Variants in SHANK2 observed in about 807,000 individuals in gnomAD.
SHANK2 encodes the protein SH3 and multiple ankyrin repeat domains 2, also known as SH3 and multiple ankyrin repeat domains protein 2.
SHANK2 carries 43 observed loss-of-function variants against 133.7 expected under a neutral mutation model. The ratio of observed to expected loss-of-function variants is 0.32; its 90% CI spans 0.25 to 0.41. The LOEUF (loss-of-function observed/expected upper bound fraction) is 0.41, where lower values mean the gene tolerates loss of function less well. SHANK2 is among the 10% of genes least tolerant of loss of function. The pLI, the probability that SHANK2 is intolerant of heterozygous loss-of-function variation, is 1.00. For synonymous variants in SHANK2, 1,017 were observed against 952.8 expected, an observed-to-expected ratio of 1.07 and a Z score of -1.24; for missense variants, 1,994 against 2,235.8, an observed-to-expected ratio of 0.89 and a Z score of 2.18.
intron 17 of SHANK2, among the ~76,000 whole-genome samples, chr11:70,520,788 A>G (rs1554970869): frequency 6.6e-6 from 1 of 152,194 alleles, no homozygotes; most frequent in Non-Finnish European, 1.5e-5. Context: ...ATGAATACTC[A>G]TGTTGTACTT....
intron 13 of SHANK2, among the ~76,000 whole-genome samples, chr11:70,798,992 C>T (rs1001597698): frequency 3.9e-5 from 6 of 152,258 alleles, no homozygotes; most frequent in African/African-American, 7.2e-5. Flanking sequence ...ATGATGAGGT[C>T]GTACCTTCCC....
chr11:70,702,196 C>T (rs575991439), intron 14 of SHANK2, among the ~76,000 whole-genome samples: 2 of 150,674 alleles, frequency 1.3e-5, no homozygotes, highest in Admixed American at 6.6e-5. Context: ...ATCACCACCA[C>T]CATCATCACC....
intron 11 of SHANK2, among the ~76,000 whole-genome samples, chr11:70,823,342 G>T (rs1423329921): frequency 6.9e-6 from 1 of 144,164 alleles, no homozygotes; most frequent in African/African-American, 2.6e-5. Flanking sequence ...GGACAGAGGT[G>T]GTGTTGGCAG....
intron 2 of SHANK2, among the ~76,000 whole-genome samples, chr11:71,210,210 G>GTATATATATATATATATCTATA (rs1954228147): frequency 1.8e-5 from 1 of 54,074 alleles, no homozygotes; most frequent in African/African-American, 8.5e-5. Context: ...AAATCCACAG[G>GTATATATATATATATATCTATA]TATATATATA....
intron 11 of SHANK2, among the ~76,000 whole-genome samples, chr11:70,889,827 G>A (rs573832964): frequency 8.5e-5 from 13 of 152,288 alleles, no homozygotes; most frequent in Admixed American, 3.3e-4. Context: ...TCTTAGGGGC[G>A]GATGCCAGCA....
chr11:70,485,504 G>C lies in SHANK2; in HGVS notation c.4789C>G (p.Leu1597Val), dbSNP rs782481026. The C allele has an allele frequency of 3.1e-6, 5 of 1,613,676 alleles. No individual in the cohort carries two copies. Among genetic ancestry groups the C allele is most frequent in the Admixed American group, 3.3e-5 (2 of 60,032 alleles). The change falls in exon 25 of 26, where the codon CTC (leucine) becomes GTC (valine). Residue 1597 changes from leucine to valine, a missense_variant. Leu to Val is a conservative substitution (Grantham distance 32, BLOSUM62 1). Around this residue, in one of 5 missense-constraint regions of SHANK2, gnomAD observed 797 missense variants for 907.4 expected, o/e 0.88. Coordinates refer to ENST00000601538, the MANE Select transcript of SHANK2 (RefSeq NM_012309.5). This position sits in a 1 kb window ranked among gnomAD's most constrained non-coding sequence, Gnocchi z 5.8. ...GSAQPGMAKV[L>V]QPRTSKLWGD... ...CACAACTTGGAGGTCCTTGGCTGGA[G>C]AACCTTGGCCATCCCAGGCTGGGCA... is the stretch of plus-strand genomic sequence containing the variant.
chr11:71,168,588 C>T (rs1247758185), intron 2 of SHANK2, among the ~76,000 whole-genome samples: 1 of 152,128 alleles, frequency 6.6e-6, no homozygotes, highest in African/African-American at 2.4e-5. Flanking sequence ...TTCAGGATGC[C>T]GAGGCTGGCG....
At chr11:70,584,810 T>C (rs1290123058) in intron 17 of SHANK2, among the ~76,000 whole-genome samples, 2 of 152,180 alleles carry the variant, frequency 1.3e-5, no homozygotes, top group Admixed American at 6.5e-5. Context: ...TGAATAATAA[T>C]AAAACCTACA....
chr11:70,470,356 G>A lies in SHANK2; in HGVS notation c.*2513C>T, dbSNP rs2058582771. On this transcript the variant is annotated 3_prime_UTR_variant, in exon 26 of 26. Transcript: ENST00000601538. The stretch of plus-strand genomic sequence containing the variant: ...TGTGGCTTGGAGTATCTTTAAGAAA[G>A]GGAATAACATCTGGCCCTCACCAAC... The A allele has an allele frequency of 6.6e-6, 1 of 152,200 alleles. No individual in the cohort carries two copies. Among genetic ancestry groups the A allele is most frequent in the Non-Finnish European group, 1.5e-5 (1 of 68,028 alleles). 9.4% of individuals were successfully genotyped at this position (152,200 alleles called of 1,614,324 possible).
chr11:70,792,785 CA>C (rs35804459), intron 14 of SHANK2, among the ~76,000 whole-genome samples: 3 of 151,974 alleles, frequency 2.0e-5, no homozygotes, highest in Non-Finnish European at 4.4e-5. Flanking sequence ...TTTTCAGCAT[CA>C]AAAAAAGCTA....
Position 71,210,532 on chromosome 11 carries a change from G to A in SHANK2, c.-13+14165C>T, listed in dbSNP as rs577794598. ...CCCAAAGTGCTGGGATTACAGGTGT[G>A]AGCCACCATGCCCAGCCCAGATACA... On this transcript the variant is annotated intron_variant, in intron 2 of 25. Transcript: ENST00000601538. Among the ~76,000 whole-genome samples the A allele has an allele frequency of 2.0e-5, 3 of 151,848 alleles. No individual in the cohort carries two copies. The South Asian group carries it at 6.3e-4, about 32-fold the overall frequency.
intron 14 of SHANK2, among the ~76,000 whole-genome samples, chr11:70,755,024 C>T (rs1286026473): frequency 6.6e-6 from 1 of 151,850 alleles, no homozygotes; most frequent in Non-Finnish European, 1.5e-5. Flanking sequence ...CCCAGAAGTA[C>T]TTCGAAATGT....
At chr11:70,843,375 G>A (rs76025733) in intron 11 of SHANK2, among the ~76,000 whole-genome samples, 2,478 of 151,640 alleles carry the variant, frequency 0.016, 73 homozygotes, top group African/African-American at 0.057. Flanking sequence ...AGGGAAGCAA[G>A]TCTTGGTGGC....
chr11:71,094,807 G>A (rs1565447482), intron 6 of SHANK2, 119 bp from the exon 7 acceptor site: 2 of 1,130,032 alleles, frequency 1.8e-6, no homozygotes, highest in Middle Eastern at 2.0e-4. Flanking sequence ...CCTCCAGGGT[G>A]TTTACAGCTC....
At chr11:71,132,946 C>T (rs1742371902) in intron 3 of SHANK2, among the ~76,000 whole-genome samples, 1 of 152,114 alleles carries the variant, frequency 6.6e-6, no homozygotes, top group African/African-American at 2.4e-5. Flanking sequence ...GGCTGAGGGG[C>T]TGGGGAGCAG....
rs782623478 is a variant in SHANK2 at position 71,147,149 on chromosome 11, G to A, written c.178C>T (p.Arg60Cys). Reference protein sequence around the residue: ...EESQGNTLVIRVVIHDLQQTK... With the variant: ...EESQGNTLVICVVIHDLQQTK... ...TGCTGCAGGTCATGGATGACCACGC[G>A]GATCACCAGCGTGTTGCCCTGGCTC... The change falls in exon 3 of 26, where the codon CGC (arginine) becomes TGC (cysteine). Residue 60 changes from arginine to cysteine, a missense_variant. Transcript: ENST00000601538. 20 of 1,549,708 alleles carry A rather than the reference G, an allele frequency of 1.3e-5. No individual in the cohort carries two copies. The East Asian group carries it at 1.5e-4, about 11-fold the overall frequency.
intron 17 of SHANK2, among the ~76,000 whole-genome samples, chr11:70,529,946 A>T (rs1288601627): frequency 6.6e-6 from 1 of 152,118 alleles, no homozygotes; most frequent in Admixed American, 6.5e-5. Context: ...AGTTACGACC[A>T]TTTATGGTTT....
chr11:70,574,635 G>C (rs147566868), intron 17 of SHANK2, among the ~76,000 whole-genome samples: 212 of 148,136 alleles, frequency 1.4e-3, no homozygotes, highest in African/African-American at 5.0e-3. Flanking sequence ...GACTCTGCAT[G>C]CAGCCCTGGC....
chr11:71,181,928 C>T (rs1469754496), intron 2 of SHANK2, among the ~76,000 whole-genome samples: 1 of 151,946 alleles, frequency 6.6e-6, no homozygotes, highest in East Asian at 1.9e-4. Context: ...CAAGGGGCCA[C>T]CTGGATGAAG....
Sources: allele counts gnomAD v4.1 joint callset (sites outside exome capture counted in the v4.1 genomes callset), GRCh38; gene constraint gnomAD v4.1.1; regional missense constraint gnomAD v4.1.1; non-coding constraint Gnocchi (gnomAD v3.1); transcripts MANE v1.5; gene names NCBI Gene and HGNC (gene_info 2026-07-23, HGNC 2026-07-21).